NTRK3: variants seen among roughly 807,000 people sequenced by gnomAD.
NTRK3 encodes neurotrophic receptor tyrosine kinase 3, also known as NT-3 growth factor receptor.
Under a neutral mutation model 91.7 loss-of-function variants are expected in NTRK3, and 24 were observed. That is an observed-to-expected ratio of 0.26 (90% confidence interval 0.19 to 0.37). The LOEUF (loss-of-function observed/expected upper bound fraction) is 0.37, where lower values mean the gene tolerates loss of function less well. Ranked by LOEUF, NTRK3 falls within the 10% of genes least tolerant of loss-of-function variation. The pLI, the probability that NTRK3 is intolerant of heterozygous loss-of-function variation, is 1.00. For synonymous variants in NTRK3, 483 were observed against 404.0 expected (o/e 1.20, Z -2.34); for missense variants, 880 against 1,068.9 (o/e 0.82, Z 2.46).
chr15:87,945,068 G>A (rs1238991996), intron 14 of NTRK3, among the ~76,000 whole-genome samples: 2 of 152,234 alleles, frequency 1.3e-5, no homozygotes, highest in Non-Finnish European at 2.9e-5. Context: ...CTCAGACATG[G>A]AGACACTGGA....
At chr15:88,099,421 G>C (rs1382660521) in intron 13 of NTRK3, among the ~76,000 whole-genome samples, 3 of 152,174 alleles carry the variant, frequency 2.0e-5, no homozygotes, top group Non-Finnish European at 4.4e-5. Flanking sequence ...TGGACAAGGG[G>C]AAATGACTGC....
chr15:88,057,540 C>T (rs1394033166), intron 13 of NTRK3, among the ~76,000 whole-genome samples: 1 of 152,094 alleles, frequency 6.6e-6, no homozygotes, highest in Non-Finnish European at 1.5e-5. Context: ...TGAGCAAGGG[C>T]TGTTCTTTGA....
rs149886513 is a variant in NTRK3, at chr15:87,990,863, T to C, written c.1585+41994A>G. The stretch of plus-strand genomic sequence containing the variant: ...TGGAGCAATGTCCCCCACTTTACCA[T>C]ACCATTTGTTTTCATCCCATTTTCT... On this transcript the variant is annotated intron_variant, in intron 14 of 18. Coordinates refer to ENST00000394480, the Ensembl canonical transcript of NTRK3. Among the ~76,000 whole-genome samples the C allele has an allele frequency of 1.3e-3, 192 of 152,348 alleles. 2 individuals are homozygous for C. The highest frequency in any genetic ancestry group is 4.0e-3 in the African/African-American group (168 of 41,590).
intron 17 of NTRK3, among the ~76,000 whole-genome samples, chr15:87,917,783 C>G (rs1203857838): frequency 6.6e-6 from 1 of 152,140 alleles, no homozygotes; most frequent in East Asian, 1.9e-4. Flanking sequence ...CCTCCCTCAC[C>G]ATGTGACACT....
intron 17 of NTRK3, among the ~76,000 whole-genome samples, chr15:87,919,363 C>A (rs2067686359): frequency 6.6e-6 from 1 of 152,164 alleles, no homozygotes; most frequent in Non-Finnish European, 1.5e-5. Flanking sequence ...CACAAAATAA[C>A]TTCATCACTT....
intron 17 of NTRK3, among the ~76,000 whole-genome samples, chr15:87,907,992 G>C (rs2066870621): frequency 1.3e-5 from 2 of 152,158 alleles, no homozygotes; most frequent in Middle Eastern, 3.2e-3. Flanking sequence ...GAGGTCAATG[G>C]GGAGACCTCC....
intron 13 of NTRK3, among the ~76,000 whole-genome samples, chr15:88,067,508 A>C (rs2046754933): frequency 6.6e-6 from 1 of 152,150 alleles, no homozygotes; most frequent in Non-Finnish European, 1.5e-5. Context: ...CCTGCAGTTA[A>C]AAGCACGATG....
At chr15:87,902,125 A>G (rs765261284) in intron 17 of NTRK3, among the ~76,000 whole-genome samples, 10 of 152,344 alleles carry the variant, frequency 6.6e-5, no homozygotes, top group Middle Eastern at 3.4e-3. Context: ...ATGGGAACCT[A>G]CACCAGCCCA....
intron 14 of NTRK3, among the ~76,000 whole-genome samples, chr15:87,992,686 A>T (rs4887346): frequency 6.6e-6 from 1 of 152,208 alleles, no homozygotes; most frequent in Non-Finnish European, 1.5e-5. Context: ...ACTGGTATGG[A>T]CCCTGGTTTG....
rs181417291 is a variant in NTRK3 at position 88,067,530 on chromosome 15, G to A, written c.1397-34485C>T. Among the ~76,000 whole-genome samples the A allele has an allele frequency of 8.0e-4, 122 of 152,244 alleles. 1 individual carries two copies. Among genetic ancestry groups the A allele is most frequent in the African/African-American group, 2.7e-3 (114 of 41,536 alleles). On this transcript the variant is annotated intron_variant, in intron 13 of 18. Coordinates refer to ENST00000394480, the Ensembl canonical transcript of NTRK3. ...TTAAAAGCACGATGTGATTCTACACGTGCTCAGCAGCTAAATTTGTGGTGG... is the reference window on the plus strand; with the variant it reads ...TTAAAAGCACGATGTGATTCTACACATGCTCAGCAGCTAAATTTGTGGTGG...
chr15:88,141,872 G>T (rs934452809), intron 6 of NTRK3, among the ~76,000 whole-genome samples: 1 of 152,200 alleles, frequency 6.6e-6, no homozygotes, highest in African/African-American at 2.4e-5. Context: ...TCCCCCCAGG[G>T]TCCTGCTTAC....
chr15:88,062,987 C>T (rs2046348440), intron 13 of NTRK3, among the ~76,000 whole-genome samples: 1 of 152,256 alleles, frequency 6.6e-6, no homozygotes, highest in South Asian at 2.1e-4. Flanking sequence ...GGGGCTTCCC[C>T]ATCCCCCTCA....
At chr15:87,864,815 C>T (rs1435394258) in exon 19 of NTRK3, 2 of 229,560 alleles carry the variant, frequency 8.7e-6, no homozygotes, top group Non-Finnish European at 1.7e-5. Flanking sequence ...CAGCTCAGCA[C>T]CCAGCAAGAC....
chr15:88,233,253 T>C lies in NTRK3; in HGVS notation c.248+22653A>G, dbSNP rs565441814. Among the ~76,000 whole-genome samples the C allele has an allele frequency of 4.3e-4, 65 of 152,132 alleles. No homozygotes were observed. Among genetic ancestry groups the C allele is most frequent in the Non-Finnish European group, 8.4e-4 (57 of 67,992 alleles). Reference sequence around the variant, plus strand: ...TAACCCCCCCGCCCCCAGTGTAATCTCTCAGTATCCAGGACTTCATTTGCA... The same window carrying C: ...TAACCCCCCCGCCCCCAGTGTAATCCCTCAGTATCCAGGACTTCATTTGCA... On this transcript the variant is annotated intron_variant, in intron 3 of 18. Coordinates refer to ENST00000394480, the Ensembl canonical transcript of NTRK3. This position sits in a 1 kb window ranked among gnomAD's most constrained non-coding sequence, Gnocchi z 4.2.
chr15:88,106,053 G>A lies in NTRK3; in HGVS notation c.1396+20218C>T, dbSNP rs552024158. Among the ~76,000 whole-genome samples, 9 of 152,346 alleles carry A rather than the reference G, an allele frequency of 5.9e-5. No individual in the cohort carries two copies. The South Asian group carries it at 1.5e-3, about 25-fold the overall frequency. ...AGCATTTGTAGGTGTGTATGTGTGC[G>A]TATGTTCAAGGATTCTGTTGTCAAG... On this transcript the variant is annotated intron_variant, in intron 13 of 18. Transcript: ENST00000394480.
At chr15:88,041,821 T>TA (rs2079647057) in intron 13 of NTRK3, among the ~76,000 whole-genome samples, 1 of 74,204 alleles carries the variant, frequency 1.3e-5, no homozygotes, top group East Asian at 4.7e-4. Context: ...CAGAAGTCCC[T>TA]CATAAAAAAA....
intron 17 of NTRK3, among the ~76,000 whole-genome samples, chr15:87,905,385 T>A (rs1292254010): frequency 1.3e-5 from 2 of 152,190 alleles, no homozygotes; most frequent in Non-Finnish European, 2.9e-5. Context: ...CGCATCTAAA[T>A]GGTGATTTGC....
intron 3 of NTRK3, among the ~76,000 whole-genome samples, chr15:88,244,392 C>T (rs1028336066): frequency 6.6e-6 from 1 of 152,182 alleles, no homozygotes; most frequent in African/African-American, 2.4e-5. Flanking sequence ...AACGTGCTCA[C>T]AGTTTAAAAA....
At chr15:88,105,009 C>G (rs946254787) in intron 13 of NTRK3, among the ~76,000 whole-genome samples, 7 of 152,206 alleles carry the variant, frequency 4.6e-5, no homozygotes, top group Non-Finnish European at 8.8e-5. Context: ...AGTCCTGACC[C>G]TCTTCATGGA....
Sources: gnomAD v4.1 joint callset for allele counts (sites outside exome capture counted in the v4.1 genomes callset) on GRCh38, gnomAD v4.1.1 for gene constraint, Gnocchi (gnomAD v3.1) non-coding constraint, MANE v1.5 for transcripts, NCBI Gene and HGNC (gene_info 2026-07-23, HGNC 2026-07-21) for gene names.